Variants in MRGPRX3 observed in about 807,000 individuals in gnomAD.
The protein encoded by MRGPRX3 is MAS related GPR family member X3.
A neutral mutation model predicts 16.5 loss-of-function variants in MRGPRX3; 14 were observed. The ratio of observed to expected loss-of-function variants is 0.85; its 90% CI spans 0.56 to 1.33. The LOEUF (loss-of-function observed/expected upper bound fraction) is 1.33. Ranked by LOEUF, MRGPRX3 falls within the 40% of genes most tolerant of loss-of-function variation. The pLI is 0.00. For synonymous variants in MRGPRX3, 199 were observed against 180.1 expected, an observed-to-expected ratio of 1.10 and a Z score of -0.84; for missense variants, 449 against 413.0, an observed-to-expected ratio of 1.09 and a Z score of -0.76.
upstream of MRGPRX3, among the ~76,000 whole-genome samples, chr11:18,128,068 G>A (rs553260733): frequency 7.2e-5 from 11 of 152,344 alleles, no homozygotes; most frequent in Admixed American, 2.6e-4. Context: ...TATCAGCAGC[G>A]GAGGCTGCAG....
intron 1 of MRGPRX3, among the ~76,000 whole-genome samples, chr11:18,126,179 T>G (rs1848893453): frequency 4.6e-5 from 7 of 152,224 alleles, no homozygotes; most frequent in Admixed American, 4.6e-4. Context: ...ATTGGAGCAT[T>G]TAGCCCATTT....
intron 1 of MRGPRX3, among the ~76,000 whole-genome samples, chr11:18,134,495 G>C (rs1564881292): frequency 6.6e-6 from 1 of 152,166 alleles, no homozygotes; most frequent in East Asian, 1.9e-4. Context: ...AATGTATCTG[G>C]GAGAAAGTGC....
intron 1 of MRGPRX3, among the ~76,000 whole-genome samples, chr11:18,124,405 T>C (rs1285533427): frequency 2.0e-5 from 3 of 152,176 alleles, no homozygotes; most frequent in Admixed American, 6.5e-5. Flanking sequence ...TGAAGGTTGT[T>C]GAATTTTGTC....
intron 1 of MRGPRX3, among the ~76,000 whole-genome samples, chr11:18,127,226 G>C (rs1848908090): frequency 6.6e-6 from 1 of 152,142 alleles, no homozygotes; most frequent in Non-Finnish European, 1.5e-5. Context: ...TTTCAACTTT[G>C]GTGAATCTGA....
At position 18,137,786 on chromosome 11, in the gene MRGPRX3, G is replaced by T. The variant is rs1372082991; in HGVS notation, c.584G>T (p.Ser195Ile). The part of the protein sequence containing the change: ...VFLCVVLCGS[S>I]LVLLVRILCG... ...TTATGTGTGGTTCTCTGTGGGTCCA[G>T]CCTGGTCCTGCTGGTCAGGATTCTC... Residue 195 changes from serine (S) to isoleucine (I), a missense_variant, in exon 2 of 2, where the codon AGC becomes ATC. Coordinates refer to ENST00000621697, the MANE Select transcript of MRGPRX3 (RefSeq NM_001370464.1). 1.2e-6 allele frequency: 2 copies of T among 1,614,034 alleles called. No individual in the cohort carries two copies. The highest frequency in any genetic ancestry group is 1.7e-6 in the Non-Finnish European group (2 of 1,180,038).
At chr11:18,136,837 T>C (rs1296377597) in intron 1 of MRGPRX3, among the ~76,000 whole-genome samples, 2 of 152,178 alleles carry the variant, frequency 1.3e-5, no homozygotes, top group African/African-American at 4.8e-5. Context: ...ACCACCTCTT[T>C]GTGTATCTGA....
In MRGPRX3 at chr11:18,138,260, G is replaced by C. The variant is rs1364705322; in HGVS notation, c.*89G>C. 4.6e-6 allele frequency: 7 copies of C among 1,511,876 alleles called. No homozygotes were observed. In the Admixed American group the frequency reaches 1.4e-4, roughly 29 times the overall value. The allele number at this position is 1,511,876 out of a possible 1,614,324, so 93.7% of individuals were successfully genotyped here. A position where few individuals can be genotyped will look rare whatever the true frequency, so the allele number is the denominator to read the frequency against. On this transcript the variant is annotated 3_prime_UTR_variant, in exon 2 of 2. Coordinates refer to ENST00000621697, the MANE Select transcript of MRGPRX3 (RefSeq NM_001370464.1). ...TTATATGCATTTTTCTTAGCCTTCT[G>C]CCTCAGAAATGTCTCAGTGGTCCCT...
intron 1 of MRGPRX3, among the ~76,000 whole-genome samples, chr11:18,123,318 C>T (rs1342673194): frequency 4.6e-5 from 7 of 151,998 alleles, no homozygotes; most frequent in African/African-American, 7.3e-5. Flanking sequence ...TTTATGGTTT[C>T]AGGTCTAACA....
At chr11:18,123,070 G>A (rs1388212684) in intron 1 of MRGPRX3, among the ~76,000 whole-genome samples, 6 of 152,118 alleles carry the variant, frequency 3.9e-5, no homozygotes, top group African/African-American at 1.4e-4. Flanking sequence ...GGAGTTCATT[G>A]TAGATTCTGG....
intron 1 of MRGPRX3, among the ~76,000 whole-genome samples, chr11:18,122,556 T>C (rs1035043464): frequency 3.9e-5 from 6 of 152,246 alleles, no homozygotes; most frequent in Non-Finnish European, 8.8e-5. Flanking sequence ...ATGGTGTATA[T>C]GTGCCACATT....
chr11:18,135,321 T>C (rs1021138419), intron 1 of MRGPRX3, among the ~76,000 whole-genome samples: 1 of 152,156 alleles, frequency 6.6e-6, no homozygotes, highest in Admixed American at 6.5e-5. Context: ...TATCATACCA[T>C]ACCTATAGAT....
intron 1 of MRGPRX3, 125 bp downstream of exon 1, chr11:18,132,864 G>A (rs1200095868): frequency 6.6e-6 from 1 of 152,214 alleles, no homozygotes; most frequent in African/African-American, 2.4e-5. Flanking sequence ...AAAGACAGGA[G>A]ACATGAAGCT....
At chr11:18,136,347 G>T (rs1849007450) in intron 1 of MRGPRX3, among the ~76,000 whole-genome samples, 1 of 152,112 alleles carries the variant, frequency 6.6e-6, no homozygotes, top group South Asian at 2.1e-4. Flanking sequence ...TGCTTCTAGG[G>T]GTTCGGCAAA....
At chr11:18,129,182 TA>T (rs1848934869), upstream of MRGPRX3, among the ~76,000 whole-genome samples, 1 of 151,736 alleles carries the variant, frequency 6.6e-6, no homozygotes, top group Non-Finnish European at 1.5e-5. Flanking sequence ...AGAAAATAAA[TA>T]AAAACGATCA....
In MRGPRX3 at chr11:18,137,895, C is replaced by G. The variant is rs1187527001; in HGVS notation, c.693C>G (p.Pro231=). ...TVLVFLLCGL[P]FGIQWALFSR... ...TGGTCTTCCTCCTCTGTGGCCTGCC[C>G]TTTGGCATTCAGTGGGCCCTGTTTT... The change falls in exon 2 of 2, where the codon CCC becomes CCG. Residue 231 remains proline, a synonymous_variant. Coordinates refer to ENST00000621697, the MANE Select transcript of MRGPRX3 (RefSeq NM_001370464.1). 6.2e-7 allele frequency: 1 copy of G among 1,614,078 alleles called. No individual in the cohort carries two copies. Among genetic ancestry groups the G allele is most frequent in the Non-Finnish European group, 8.5e-7 (1 of 1,180,040 alleles).
chr11:18,125,118 G>GTTGATC (rs1289128477), intron 1 of MRGPRX3, among the ~76,000 whole-genome samples: 1 of 150,960 alleles, frequency 6.6e-6, no homozygotes, highest in African/African-American at 2.4e-5. Context: ...TATCAATTTT[G>GTTGATC]TTGATCTTTT....
At chr11:18,127,181 T>C (rs1449454835) in intron 1 of MRGPRX3, among the ~76,000 whole-genome samples, 1 of 152,232 alleles carries the variant, frequency 6.6e-6, no homozygotes, top group Non-Finnish European at 1.5e-5. Context: ...TAACCTGACC[T>C]TTCTCTCTGG....
chr11:18,124,440 G>C (rs1848870272), intron 1 of MRGPRX3, among the ~76,000 whole-genome samples: 1 of 152,212 alleles, frequency 6.6e-6, no homozygotes, highest in Non-Finnish European at 1.5e-5. Flanking sequence ...CATCTATTGA[G>C]ATAATCATGT....
At chr11:18,125,310 T>C (rs1046920713) in intron 1 of MRGPRX3, among the ~76,000 whole-genome samples, 1 of 152,212 alleles carries the variant, frequency 6.6e-6, no homozygotes, top group African/African-American at 2.4e-5. Flanking sequence ...TTTCCTGCTT[T>C]CTCTTGTAGG....
Sources: allele counts gnomAD v4.1 joint callset (sites outside exome capture counted in the v4.1 genomes callset), GRCh38; gene constraint gnomAD v4.1.1; transcripts MANE v1.5; gene names NCBI Gene and HGNC (gene_info 2026-07-23, HGNC 2026-07-21).